BANK1: variants seen among roughly 807,000 people sequenced by gnomAD.
BANK1 encodes B-cell scaffold protein with ankyrin repeats.
Under a neutral mutation model 94.5 loss-of-function variants are expected in BANK1, and 95 were observed. That is an observed-to-expected ratio of 1.00 (90% CI 0.85 to 1.19). BANK1 has a LOEUF of 1.19. Among genes scored for constraint, BANK1 ranks in the 50% most tolerant of loss-of-function variants. The pLI is 0.00. For missense variants in BANK1, 987 were observed against 932.2 expected (o/e 1.06, Z -0.77); for synonymous variants, 334 against 308.4 (o/e 1.08, Z -0.87).
chr4:101,829,996 A>G lies in BANK1; in HGVS notation c.259A>G (p.Asn87Asp), dbSNP rs555860024. The G allele has an allele frequency of 6.2e-6, 10 of 1,613,294 alleles. No homozygotes were observed. Among genetic ancestry groups the G allele is most frequent in the Admixed American group, 1.7e-5 (1 of 59,850 alleles). The change falls in exon 2 of 17, where the codon AAT becomes GAT. Residue 87 changes from asparagine to aspartate, a missense_variant. Physicochemically the swap from Asn to Asp is conservative, Grantham distance 23. Coordinates refer to ENST00000322953, the MANE Select transcript of BANK1 (RefSeq NM_017935.5). The stretch of plus-strand genomic sequence containing the variant: ...CAAATGTAAACTTTTGATATTATCA[A>G]ATAGCCTGCTTAGAGACCTAACTCC... ...SYKCKLLILS[N>D]SLLRDLTPKK...
Position 102,072,341 on chromosome 4 carries a change from C to A in BANK1, c.2243-4C>A. 6.3e-7 allele frequency: 1 copy of A among 1,576,650 alleles called. No individual in the cohort carries two copies. The highest frequency in any genetic ancestry group is 8.7e-7 in the Non-Finnish European group (1 of 1,147,548). ...AGAGGTAATAACTGAGTTTGTATTT[C>A]TAGGTAAGGAAACTGCCCACAATGA... is the stretch of plus-strand genomic sequence containing the variant. On this transcript the variant is annotated splice_region_variant and splice_polypyrimidine_tract_variant and intron_variant, in intron 14 of 16. Coordinates refer to ENST00000322953, the MANE Select transcript of BANK1 (RefSeq NM_017935.5).
chr4:101,852,379 T>C (rs1727511573), intron 2 of BANK1, among the ~76,000 whole-genome samples: 1 of 148,480 alleles, frequency 6.7e-6, no homozygotes, highest in Non-Finnish European at 1.5e-5. Flanking sequence ...ATATACTGTA[T>C]TATTAGATGT....
chr4:101,925,135 A>G (rs945915153), intron 7 of BANK1, among the ~76,000 whole-genome samples: 3 of 151,634 alleles, frequency 2.0e-5, no homozygotes, highest in African/African-American at 7.3e-5. Flanking sequence ...TTTTATTCCT[A>G]AATGAGATTT....
intron 3 of BANK1, among the ~76,000 whole-genome samples, chr4:101,858,314 G>T (rs1194242906): frequency 6.6e-6 from 1 of 152,118 alleles, no homozygotes; most frequent in African/African-American, 2.4e-5. Flanking sequence ...TTCCTGTAAT[G>T]CACACAACAG....
chr4:101,832,100 A>C (rs1726644739), intron 2 of BANK1, among the ~76,000 whole-genome samples: 1 of 152,160 alleles, frequency 6.6e-6, no homozygotes, highest in Admixed American at 6.5e-5. Flanking sequence ...AATGTTTAAG[A>C]GTTTGTCTCT....
intron 5 of BANK1, among the ~76,000 whole-genome samples, chr4:101,882,438 A>C (rs1231606177): frequency 6.6e-6 from 1 of 152,172 alleles, no homozygotes; most frequent in Non-Finnish European, 1.5e-5. Context: ...ATGTTAATAC[A>C]TTTCTTTACT....
intron 7 of BANK1, among the ~76,000 whole-genome samples, chr4:101,947,439 C>G (rs1723974079): frequency 6.6e-6 from 1 of 150,432 alleles, no homozygotes; most frequent in Admixed American, 6.6e-5. Flanking sequence ...CATGGGCACC[C>G]AAGATAACTT....
intron 14 of BANK1, 142 bp downstream of exon 14, chr4:102,071,446 C>A: frequency 1.3e-6 from 1 of 796,208 alleles, no homozygotes; most frequent in Non-Finnish European, 2.0e-6. Flanking sequence ...TGCAAAACAA[C>A]TTGACATCCA....
At chr4:101,868,299 A>G (rs1164193270) in intron 4 of BANK1, among the ~76,000 whole-genome samples, 1 of 152,076 alleles carries the variant, frequency 6.6e-6, no homozygotes, top group African/African-American at 2.4e-5. Context: ...TGCTAACACT[A>G]ATCAAAGTAG....
chr4:101,897,344 T>C (rs571614358), intron 6 of BANK1, among the ~76,000 whole-genome samples: 18 of 151,954 alleles, frequency 1.2e-4, no homozygotes, highest in Non-Finnish European at 2.1e-4. Context: ...GATGGCATGG[T>C]TTTGGTTTCC....
At chr4:101,822,375 A>G (rs1003038175) in intron 1 of BANK1, among the ~76,000 whole-genome samples, 2 of 152,074 alleles carry the variant, frequency 1.3e-5, no homozygotes, top group Admixed American at 1.3e-4. Context: ...AAAGAAAAAA[A>G]AAAGGCACTT....
At chr4:101,954,052 C>T (rs1038252402) in intron 7 of BANK1, among the ~76,000 whole-genome samples, 1 of 152,044 alleles carries the variant, frequency 6.6e-6, no homozygotes, top group Non-Finnish European at 1.5e-5. Context: ...TGCCTCTCTC[C>T]TAGCTTCCGG....
chr4:101,994,647 C>T (rs1382970843), intron 7 of BANK1, among the ~76,000 whole-genome samples: 2 of 152,082 alleles, frequency 1.3e-5, no homozygotes, highest in Non-Finnish European at 2.9e-5. Context: ...ATTCCAACTC[C>T]CTCATTTTGT....
chr4:102,057,068 C>G (rs1323088652), intron 11 of BANK1, among the ~76,000 whole-genome samples: 1 of 152,016 alleles, frequency 6.6e-6, no homozygotes, highest in Non-Finnish European at 1.5e-5. Flanking sequence ...ATATGCAACC[C>G]TAAAGTTAAG....
chr4:102,011,607 C>T (rs1187347461), intron 7 of BANK1, among the ~76,000 whole-genome samples: 1 of 152,090 alleles, frequency 6.6e-6, no homozygotes, highest in Non-Finnish European at 1.5e-5. Flanking sequence ...GTTTACCTTC[C>T]AACATGAGCT....
At chr4:102,072,515 A>G in intron 15 of BANK1, 115 bp downstream of exon 15, 1 of 728,582 alleles carries the variant, frequency 1.4e-6, no homozygotes, top group Non-Finnish European at 2.2e-6. Context: ...GATATGAACA[A>G]AATAGGTTAG....
chr4:102,037,884 C>T (rs1252966956), intron 10 of BANK1, among the ~76,000 whole-genome samples: 3 of 152,152 alleles, frequency 2.0e-5, no homozygotes, highest in Non-Finnish European at 4.4e-5. Context: ...CCTGGCATAT[C>T]ACCCCAGTTA....
At chr4:102,038,196 T>C (rs997408940) in intron 10 of BANK1, among the ~76,000 whole-genome samples, 12 of 152,180 alleles carry the variant, frequency 7.9e-5, no homozygotes, top group East Asian at 3.8e-4. Flanking sequence ...GTACCAAGTT[T>C]TATCATCCTG....
intron 1 of BANK1, among the ~76,000 whole-genome samples, chr4:101,829,345 A>G (rs1726512645): frequency 6.6e-6 from 1 of 151,246 alleles, no homozygotes; most frequent in Non-Finnish European, 1.5e-5. Context: ...CTTATACTGA[A>G]TCTTTTCTGT....
Sources: allele counts gnomAD v4.1 joint callset (sites outside exome capture counted in the v4.1 genomes callset), GRCh38; gene constraint gnomAD v4.1.1; transcripts MANE v1.5; gene names NCBI Gene and HGNC (gene_info 2026-07-23, HGNC 2026-07-21).